Variants in KLHL6 observed in about 807,000 individuals in gnomAD.
KLHL6 encodes kelch like family member 6, also known as kelch-like protein 6.
KLHL6 carries 41 observed loss-of-function variants against 58.6 expected under a neutral mutation model. That is an observed-to-expected ratio of 0.70 (90% CI 0.55 to 0.91). The LOEUF is 0.91. KLHL6 is among the 40% of genes least tolerant of loss of function. The pLI is 0.00. For synonymous variants in KLHL6, 338 were observed against 322.7 expected (o/e 1.05, Z -0.51); for missense variants, 714 against 805.6 (o/e 0.89, Z 1.38).
intron 2 of KLHL6, among the ~76,000 whole-genome samples, chr3:183,509,752 C>A (rs969342409): frequency 6.6e-6 from 1 of 152,098 alleles, no homozygotes; most frequent in Admixed American, 6.6e-5. Context: ...ACAAAACCGT[C>A]CAGAGTAAGT....
At chr3:183,551,179 G>A (rs750998097) in intron 1 of KLHL6, among the ~76,000 whole-genome samples, 1 of 151,562 alleles carries the variant, frequency 6.6e-6, no homozygotes, top group Non-Finnish European at 1.5e-5. Context: ...AGTTATTGGA[G>A]AATGTGCTTA....
chr3:183,528,038 C>T lies in KLHL6; in HGVS notation c.294-28G>A, dbSNP rs146015845. 4,138 of 1,613,234 alleles carry T rather than the reference C, an allele frequency of 2.6e-3. 9 individuals are homozygous for T. The highest frequency in any genetic ancestry group is 3.2e-3 in the Non-Finnish European group (3,728 of 1,179,488). On this transcript the variant is annotated intron_variant, in intron 1 of 6. Coordinates refer to ENST00000341319, the MANE Select transcript of KLHL6 (RefSeq NM_130446.4). ...GGAAGAGAAATGTGTGAATGTGAAT[C>T]GTGCCGAGACCCTTGGTTCCAGGCC...
At chr3:183,503,092 T>C (rs781155683) in intron 3 of KLHL6, among the ~76,000 whole-genome samples, 1 of 152,252 alleles carries the variant, frequency 6.6e-6, no homozygotes, top group Non-Finnish European at 1.5e-5. Flanking sequence ...TGTTTGCCAA[T>C]GAATTGCATG....
At chr3:183,495,212 T>C (rs1480132509) in intron 4 of KLHL6, among the ~76,000 whole-genome samples, 3 of 152,240 alleles carry the variant, frequency 2.0e-5, no homozygotes, top group Non-Finnish European at 4.4e-5. Context: ...ATGTGCACCC[T>C]GAATTTTTAT....
intron 1 of KLHL6, among the ~76,000 whole-genome samples, chr3:183,536,661 C>T (rs1246774206): frequency 5.3e-5 from 8 of 152,200 alleles, no homozygotes; most frequent in East Asian, 1.9e-4. Context: ...GGCGTTAGCA[C>T]GATACCTGGC....
At chr3:183,551,431 C>A (rs540996180) in intron 1 of KLHL6, among the ~76,000 whole-genome samples, 1 of 152,040 alleles carries the variant, frequency 6.6e-6, no homozygotes, top group African/African-American at 2.4e-5. Flanking sequence ...GCAAAAGACA[C>A]CCCAAAACAA....
rs778431905 is a variant in KLHL6, at chr3:183,499,842, G to C, written c.910-15C>G. On this transcript the variant is annotated splice_polypyrimidine_tract_variant and intron_variant, in intron 3 of 6. Coordinates refer to ENST00000341319, the MANE Select transcript of KLHL6 (RefSeq NM_130446.4). The surrounding 1 kb of genome is among the most constrained non-coding windows in gnomAD (Gnocchi z 4.6). ...TCCGAAATGATCTGGAAATCGATGGGGGTACATGAAGGCAGGGACAACACA... is the reference window on the plus strand; with the variant it reads ...TCCGAAATGATCTGGAAATCGATGGCGGTACATGAAGGCAGGGACAACACA... The C allele has an allele frequency of 1.3e-6, 2 of 1,552,888 alleles. 1 individual carries two copies.
At chr3:183,532,192 A>T (rs895788598) in intron 1 of KLHL6, among the ~76,000 whole-genome samples, 1 of 152,192 alleles carries the variant, frequency 6.6e-6, no homozygotes, top group Non-Finnish European at 1.5e-5. Context: ...TCGTGTCCTT[A>T]TAAGAACAGA....
intron 1 of KLHL6, 60 bp from the exon 2 acceptor site, chr3:183,528,070 G>C: frequency 3.1e-6 from 5 of 1,590,428 alleles, no homozygotes; most frequent in Non-Finnish European, 4.3e-6. Context: ...GGCCTAAAGA[G>C]ATCCCCTTTC....
chr3:183,526,287 G>A (rs1045358422), intron 2 of KLHL6, among the ~76,000 whole-genome samples: 5 of 152,232 alleles, frequency 3.3e-5, no homozygotes, highest in African/African-American at 1.2e-4. Context: ...CTCCAGCCTG[G>A]GCAACAAGAG....
intron 2 of KLHL6, among the ~76,000 whole-genome samples, chr3:183,519,814 T>C (rs182806453): frequency 2.3e-3 from 340 of 148,442 alleles, no homozygotes; most frequent in African/African-American, 8.0e-3. Flanking sequence ...GAAAATCTCT[T>C]GAGCCTGGGA....
intron 3 of KLHL6, among the ~76,000 whole-genome samples, chr3:183,502,951 GGAGCTGCC>G (rs1320264947): frequency 5.9e-5 from 9 of 152,174 alleles, no homozygotes; most frequent in Non-Finnish European, 8.8e-5. Flanking sequence ...TCAGCACCAC[GGAGCTGCC>G]GAGTGGTGGC....
rs551500252 is a variant in KLHL6 at position 183,491,669 on chromosome 3, C to A, written c.*258G>T. 3.8e-5 allele frequency: 14 copies of A among 370,258 alleles called. No homozygotes were observed. Among genetic ancestry groups the A allele is most frequent in the Non-Finnish European group, 6.3e-5 (13 of 207,840 alleles). 22.9% of individuals were successfully genotyped at this position (370,258 alleles called of 1,614,324 possible). ...AGGAAGTGCCTGGCACAGAAGCCGG[C>A]ATAGGGTGGGTGGGTCCTGAATGCT... On this transcript the variant is annotated 3_prime_UTR_variant, in exon 7 of 7. Coordinates refer to ENST00000341319, the MANE Select transcript of KLHL6 (RefSeq NM_130446.4).
At chr3:183,519,997 G>C (rs8180042) in intron 2 of KLHL6, among the ~76,000 whole-genome samples, 1 of 151,164 alleles carries the variant, frequency 6.6e-6, no homozygotes, top group Non-Finnish European at 1.5e-5. Context: ...CAGACCCTCT[G>C]TACTAGTTAG....
intron 1 of KLHL6, among the ~76,000 whole-genome samples, chr3:183,550,633 A>G (rs142516420): frequency 0.013 from 1,979 of 151,520 alleles, 35 homozygotes; most frequent in African/African-American, 0.045. Context: ...TATCTCTACT[A>G]AAAAAATACA....
At chr3:183,517,588 G>A (rs982087262) in intron 2 of KLHL6, among the ~76,000 whole-genome samples, 1 of 152,184 alleles carries the variant, frequency 6.6e-6, no homozygotes, top group Admixed American at 6.5e-5. Context: ...CAGGTGTTGA[G>A]GGACTGAGGC....
chr3:183,517,981 T>G (rs933064925), intron 2 of KLHL6, among the ~76,000 whole-genome samples: 7 of 152,184 alleles, frequency 4.6e-5, no homozygotes, highest in African/African-American at 1.7e-4. Flanking sequence ...GGTGGGGTGG[T>G]GGGTAGAGAA....
intron 3 of KLHL6, among the ~76,000 whole-genome samples, chr3:183,502,407 C>T (rs1292021771): frequency 6.6e-6 from 1 of 152,042 alleles, no homozygotes; most frequent in South Asian, 2.1e-4. Context: ...CCCAGTGATC[C>T]CTGCTTCCTG....
intron 1 of KLHL6, among the ~76,000 whole-genome samples, chr3:183,545,994 G>A (rs1356837585): frequency 6.6e-6 from 1 of 152,208 alleles, no homozygotes; most frequent in Non-Finnish European, 1.5e-5. Context: ...GCATTTACAG[G>A]ATGTCTGCTG....
Sources: allele counts gnomAD v4.1 joint callset (sites outside exome capture counted in the v4.1 genomes callset), GRCh38; gene constraint gnomAD v4.1.1; non-coding constraint Gnocchi (gnomAD v3.1); transcripts MANE v1.5; gene names NCBI Gene and HGNC (gene_info 2026-07-23, HGNC 2026-07-21).